Variants in FOXO3 observed in about 807,000 individuals in gnomAD.
The protein encoded by FOXO3 is forkhead box protein O3.
Under a neutral mutation model 41.9 loss-of-function variants are expected in FOXO3, and 4 were observed. That is an observed-to-expected ratio of 0.10 (90% CI 0.05 to 0.22). FOXO3 has a LOEUF of 0.22. FOXO3 is among the 10% of genes least tolerant of loss of function. The pLI is 1.00. For missense variants in FOXO3, 534 were observed against 906.8 expected (o/e 0.59, Z 5.28); for synonymous variants, 318 against 389.3 (o/e 0.82, Z 2.16).
chr6:108,581,486 C>T (rs947883570), intron 1 of FOXO3, among the ~76,000 whole-genome samples: 2 of 152,124 alleles, frequency 1.3e-5, no homozygotes, highest in Non-Finnish European at 2.9e-5. Flanking sequence ...CACATATGTA[C>T]TGCTGATTAA....
chr6:108,626,792 T>C (rs1459180994), intron 1 of FOXO3, among the ~76,000 whole-genome samples: 2 of 152,218 alleles, frequency 1.3e-5, no homozygotes, highest in East Asian at 3.9e-4. Context: ...TGGATATAAC[T>C]TACCATTAAC....
chr6:108,606,515 C>T (rs1777205628), intron 1 of FOXO3, among the ~76,000 whole-genome samples: 1 of 152,210 alleles, frequency 6.6e-6, no homozygotes, highest in African/African-American at 2.4e-5. Context: ...AAAATGTCTT[C>T]TCGAGTTCCA....
chr6:108,562,092 G>A (rs1286910720), intron 1 of FOXO3, among the ~76,000 whole-genome samples: 1 of 152,156 alleles, frequency 6.6e-6, no homozygotes, highest in Non-Finnish European at 1.5e-5. Flanking sequence ...GGCGAGGGAA[G>A]GGCGAACGGA....
chr6:108,650,342 A>G (rs1778513848), intron 1 of FOXO3, among the ~76,000 whole-genome samples: 1 of 152,158 alleles, frequency 6.6e-6, no homozygotes, highest in African/African-American at 2.4e-5. Flanking sequence ...TCCAGCCACA[A>G]GCAGGGTCTA....
chr6:108,561,448 C>T lies in FOXO3; in HGVS notation c.240C>T (p.Gly80=). ...GGGCCGGCTCGGCCATGGCGATCGG[C>T]GGCGGCGGCGGGAGCGGCACGCTGG... ...GGRAGSAMAI[G]GGGGSGTLGS... Residue 80 remains glycine, a synonymous_variant, in exon 1 of 3, where the codon GGC becomes GGT. Transcript: ENST00000406360. 1.3e-6 allele frequency: 2 copies of T among 1,486,610 alleles called. No homozygotes were observed. Among genetic ancestry groups the T allele is most frequent in the South Asian group, 1.2e-5 (1 of 81,472 alleles). 92.1% of individuals were successfully genotyped at this position (1,486,610 alleles called of 1,614,324 possible). A position where few individuals can be genotyped will look rare whatever the true frequency, so the allele number is the denominator to read the frequency against.
At chr6:108,572,058 G>A (rs1032909341) in intron 1 of FOXO3, among the ~76,000 whole-genome samples, 3 of 152,170 alleles carry the variant, frequency 2.0e-5, no homozygotes, top group African/African-American at 7.2e-5. Context: ...TGAATAAGGT[G>A]TGTCCTTCCC....
chr6:108,661,541 T>C (rs1026619322), intron 1 of FOXO3, among the ~76,000 whole-genome samples: 2 of 152,098 alleles, frequency 1.3e-5, no homozygotes, highest in Admixed American at 6.5e-5. Context: ...ATGAACTCTC[T>C]CCACCATGGA....
intron 1 of FOXO3, among the ~76,000 whole-genome samples, chr6:108,640,288 T>C (rs1417860132): frequency 3.3e-5 from 5 of 152,176 alleles, no homozygotes; most frequent in Non-Finnish European, 7.3e-5. Context: ...GACAGGGGAA[T>C]TTTTCAGTTG....
At chr6:108,663,388 A>C (rs957053804) in intron 1 of FOXO3, 67 bp from the exon 2 acceptor site, 3 of 1,519,432 alleles carry the variant, frequency 2.0e-6, no homozygotes, top group Non-Finnish European at 2.6e-6. Flanking sequence ...CTGATTTACT[A>C]TATCATCTGG....
intron 1 of FOXO3, among the ~76,000 whole-genome samples, chr6:108,662,386 C>T (rs1047046512): frequency 6.6e-6 from 1 of 152,208 alleles, no homozygotes; most frequent in African/African-American, 2.4e-5. Flanking sequence ...CTTTTCCCCC[C>T]TTTTCATACT....
At chr6:108,580,344 G>A (rs1486891843) in intron 1 of FOXO3, among the ~76,000 whole-genome samples, 9 of 151,806 alleles carry the variant, frequency 5.9e-5, no homozygotes, top group Non-Finnish European at 1.0e-4. Flanking sequence ...GCCCACCATC[G>A]TGCTCGGCTA....
Position 108,664,282 on chromosome 6 carries a change from T to C in FOXO3, c.1449T>C (p.Asp483=). ...LLTSDSLSHS[D]VMMTQSDPLM... The stretch of plus-strand genomic sequence containing the variant: ...CTTCGGACTCACTTAGCCACAGCGA[T>C]GTCATGATGACACAGTCGGACCCCT... Residue 483 remains aspartate, a synonymous_variant, in exon 2 of 3, where the codon GAT becomes GAC. Transcript: ENST00000406360. The C allele has an allele frequency of 6.2e-7, 1 of 1,602,150 alleles. No individual in the cohort carries two copies.
intron 1 of FOXO3, 54 bp from the exon 2 acceptor site, chr6:108,663,401 G>C (rs1308446574): frequency 2.0e-6 from 3 of 1,526,488 alleles, no homozygotes; most frequent in Non-Finnish European, 2.6e-6. Flanking sequence ...TCATCTGGGT[G>C]CTCGGTTTTG....
At chr6:108,624,327 C>T (rs1009286562) in intron 1 of FOXO3, among the ~76,000 whole-genome samples, 1 of 151,614 alleles carries the variant, frequency 6.6e-6, no homozygotes, top group Admixed American at 6.6e-5. Context: ...AAAAAAAAAC[C>T]TCTCAGTTTA....
At chr6:108,588,611 A>G (rs1250277336) in intron 1 of FOXO3, among the ~76,000 whole-genome samples, 1 of 152,208 alleles carries the variant, frequency 6.6e-6, no homozygotes, top group Non-Finnish European at 1.5e-5. Context: ...CTCACTCCCC[A>G]AAAGGCAGAG....
chr6:108,560,244 A>G (rs1775734351), upstream of FOXO3, among the ~76,000 whole-genome samples: 1 of 152,090 alleles, frequency 6.6e-6, no homozygotes, highest in Non-Finnish European at 1.5e-5. Flanking sequence ...GCAGCCCGGG[A>G]GACTTGGCGC....
chr6:108,565,503 A>G (rs181682178), intron 1 of FOXO3, among the ~76,000 whole-genome samples: 101 of 152,314 alleles, frequency 6.6e-4, no homozygotes, highest in Non-Finnish European at 1.2e-3. Flanking sequence ...GGTAAGGCCT[A>G]TCTATCACTT....
chr6:108,616,016 C>T (rs1476621169), intron 1 of FOXO3, among the ~76,000 whole-genome samples: 1 of 150,956 alleles, frequency 6.6e-6, no homozygotes, highest in African/African-American at 2.4e-5. Flanking sequence ...GAGAATGAGT[C>T]TCACTCTGTC....
chr6:108,673,415 G>C (rs1194188563), intron 2 of FOXO3, among the ~76,000 whole-genome samples: 1 of 152,228 alleles, frequency 6.6e-6, no homozygotes, highest in East Asian at 1.9e-4. Context: ...GAGCCACCCT[G>C]GAGTTCCTCT....
Sources: gnomAD v4.1 joint callset for allele counts (sites outside exome capture counted in the v4.1 genomes callset) on GRCh38, gnomAD v4.1.1 for gene constraint, MANE v1.5 for transcripts, NCBI Gene and HGNC (gene_info 2026-07-23, HGNC 2026-07-21) for gene names.